EYS: variants seen among roughly 807,000 people sequenced by gnomAD.
The protein encoded by EYS is EGF-like photoreceptor maintenance factor.
EYS carries 250 observed loss-of-function variants against 282.1 expected under a neutral mutation model. The observed-to-expected ratio is 0.89, with a 90% CI of 0.80 to 0.98. The LOEUF (loss-of-function observed/expected upper bound fraction) is 0.98. EYS is among the 50% of genes least tolerant of loss of function. The pLI is 0.00. For synonymous variants in EYS, 1,355 were observed against 1,282.9 expected (o/e 1.06, Z -1.20); for missense variants, 4,016 against 3,709.0 (o/e 1.08, Z -2.15).
chr6:63,926,568 A>G (rs1182900091), intron 35 of EYS, among the ~76,000 whole-genome samples: 1 of 152,208 alleles, frequency 6.6e-6, no homozygotes, highest in Non-Finnish European at 1.5e-5. Context: ...AGGGAGAAAG[A>G]GGGTAAGTGG....
chr6:64,481,471 TTTG>T (rs1198008224), intron 26 of EYS, among the ~76,000 whole-genome samples: 1 of 150,994 alleles, frequency 6.6e-6, no homozygotes, highest in Non-Finnish European at 1.5e-5. Flanking sequence ...AGGTGATCAT[TTTG>T]AATTTCTCTG....
At chr6:65,359,175 A>G (rs1198419971) in intron 8 of EYS, among the ~76,000 whole-genome samples, 1 of 152,100 alleles carries the variant, frequency 6.6e-6, no homozygotes, top group Non-Finnish European at 1.5e-5. Flanking sequence ...GTAAAAAGAA[A>G]CAAGAGAATC....
chr6:64,294,280 T>C (rs1385570263), intron 30 of EYS, among the ~76,000 whole-genome samples: 1 of 152,206 alleles, frequency 6.6e-6, no homozygotes, highest in Non-Finnish European at 1.5e-5. Context: ...GATTTTCTTA[T>C]ATCAGCATAA....
chr6:64,943,504 C>A (rs184554706), intron 15 of EYS, among the ~76,000 whole-genome samples: 167 of 152,176 alleles, frequency 1.1e-3, no homozygotes, highest in African/African-American at 3.9e-3. Context: ...GTATACAAAT[C>A]AGTAACATTT....
At chr6:64,382,440 TC>T (rs765357316) in intron 29 of EYS, among the ~76,000 whole-genome samples, 1 of 152,174 alleles carries the variant, frequency 6.6e-6, no homozygotes, top group Non-Finnish European at 1.5e-5. Context: ...TTCTCAATCT[TC>T]CCCATCTTAA....
At chr6:65,582,029 A>AATAT (rs369557604) in intron 2 of EYS, among the ~76,000 whole-genome samples, 402 of 150,222 alleles carry the variant, frequency 2.7e-3, no homozygotes, top group Middle Eastern at 0.01. Context: ...TTCTACTAAA[A>AATAT]ATATATATAT....
intron 12 of EYS, among the ~76,000 whole-genome samples, chr6:65,137,943 T>G (rs1776070005): frequency 6.6e-6 from 1 of 152,014 alleles, no homozygotes; most frequent in South Asian, 2.1e-4. Context: ...GGTGATAATA[T>G]CACACCTTGG....
At chr6:64,825,125 C>T (rs576069561) in intron 19 of EYS, among the ~76,000 whole-genome samples, 49 of 151,968 alleles carry the variant, frequency 3.2e-4, no homozygotes, top group African/African-American at 1.2e-3. Context: ...TCCTAAAAGA[C>T]CTTTGTACTT....
intron 40 of EYS, among the ~76,000 whole-genome samples, chr6:63,763,734 A>G (rs1204029506): frequency 5.9e-5 from 9 of 151,832 alleles, no homozygotes; most frequent in African/African-American, 1.9e-4. Flanking sequence ...CTGTGAGTCA[A>G]TTAAACCTCT....
intron 12 of EYS, among the ~76,000 whole-genome samples, chr6:65,080,075 G>T (rs925641353): frequency 4.6e-5 from 7 of 152,084 alleles, no homozygotes; most frequent in African/African-American, 1.4e-4. Context: ...AAAATTTTCA[G>T]GTGGAGAACT....
chr6:65,299,717 TATAAG>T (rs71811726), intron 11 of EYS, among the ~76,000 whole-genome samples: 8,336 of 152,230 alleles, frequency 0.055, 255 homozygotes, highest in South Asian at 0.092. Flanking sequence ...CTGCCACCTA[TATAAG>T]ATGTTTAACT....
intron 23 of EYS, among the ~76,000 whole-genome samples, chr6:64,620,685 T>G (rs1175484510): frequency 6.7e-6 from 1 of 148,460 alleles, no homozygotes; most frequent in Non-Finnish European, 1.5e-5. Flanking sequence ...AAAACATAAA[T>G]CAGGCAAATA....
At chr6:64,425,429 A>G (rs527310565) in intron 28 of EYS, among the ~76,000 whole-genome samples, 5 of 152,062 alleles carry the variant, frequency 3.3e-5, no homozygotes, top group Admixed American at 6.6e-5. Context: ...CCGAGGCGGG[A>G]GGATCACCCA....
chr6:63,861,506 G>A (rs562458629), intron 36 of EYS, among the ~76,000 whole-genome samples: 1 of 152,140 alleles, frequency 6.6e-6, no homozygotes, highest in African/African-American at 2.4e-5. Context: ...GTTTCCTAAG[G>A]CATCTGGAAA....
intron 31 of EYS, among the ~76,000 whole-genome samples, chr6:64,202,859 T>C (rs764216744): frequency 1.3e-5 from 2 of 152,160 alleles, no homozygotes; most frequent in Admixed American, 6.5e-5. Flanking sequence ...GAGACACCAA[T>C]AGCTGGAAAA....
intron 31 of EYS, among the ~76,000 whole-genome samples, chr6:64,137,266 T>C (rs1475374669): frequency 6.6e-6 from 1 of 152,178 alleles, no homozygotes; most frequent in Non-Finnish European, 1.5e-5. Flanking sequence ...GAGAATGTTG[T>C]GGTTGGTTTG....
intron 36 of EYS, among the ~76,000 whole-genome samples, chr6:63,828,080 C>G (rs1771524923): frequency 6.6e-6 from 1 of 152,070 alleles, no homozygotes; most frequent in African/African-American, 2.4e-5. Flanking sequence ...CTCTGGGGTA[C>G]AGCAAAGACA....
At chr6:65,546,081 G>A (rs1050229368) in intron 2 of EYS, among the ~76,000 whole-genome samples, 1 of 150,020 alleles carries the variant, frequency 6.7e-6, no homozygotes, top group East Asian at 1.9e-4. Flanking sequence ...GTGTAGTGGC[G>A]TGATCATGAC....
At chr6:63,745,975 A>G (rs1019991809) in intron 41 of EYS, among the ~76,000 whole-genome samples, 1 of 152,194 alleles carries the variant, frequency 6.6e-6, no homozygotes, top group African/African-American at 2.4e-5. Context: ...CAAGCCAGGA[A>G]GAGAGCCCTT....
Sources: allele counts gnomAD v4.1 joint callset (sites outside exome capture counted in the v4.1 genomes callset), GRCh38; gene constraint gnomAD v4.1.1; transcripts MANE v1.5; gene names NCBI Gene and HGNC (gene_info 2026-07-23, HGNC 2026-07-21).